Variants in MBNL1 observed in about 807,000 individuals in gnomAD.
MBNL1 encodes the protein muscleblind like splicing regulator 1.
Under a neutral mutation model 42.2 loss-of-function variants are expected in MBNL1, and 8 were observed. The observed-to-expected ratio is 0.19, with a 90% CI of 0.11 to 0.34. The LOEUF (loss-of-function observed/expected upper bound fraction) is 0.34, where lower values mean the gene tolerates loss of function less well. Among genes scored for constraint, MBNL1 ranks in the 10% least tolerant of loss-of-function variants. The probability of loss-of-function intolerance (pLI) is 1.00; values close to 1 mark genes in which losing one functional copy is unlikely to be tolerated. For synonymous variants in MBNL1, 169 were observed against 173.9 expected (o/e 0.97, Z 0.22); for missense variants, 309 against 495.3 (o/e 0.62, Z 3.57).
rs553903028 is a variant in MBNL1, at chr3:152,439,804, C to T, written c.550-5478C>T. ...TTGAGGCTGCAGTGAACTGAGATTG[C>T]ACCACTGCACTCCAGACTGAGTGAC... On this transcript the variant is annotated intron_variant, in intron 4 of 9. Transcript: ENST00000324210. Among the ~76,000 whole-genome samples the T allele has an allele frequency of 1.3e-4, 20 of 152,214 alleles. 1 individual carries two copies. Among genetic ancestry groups the T allele is most frequent in the African/African-American group, 4.8e-4 (20 of 41,516 alleles).
intron 1 of MBNL1, among the ~76,000 whole-genome samples, chr3:152,291,280 A>T (rs1004815658): frequency 6.6e-6 from 1 of 152,216 alleles, no homozygotes; most frequent in East Asian, 1.9e-4. Context: ...GTTCTGTCAG[A>T]ATTTCACAGA....
rs148649709 is a variant in MBNL1 at position 152,279,139 on chromosome 3, C to T, written c.-790+10047C>T. The stretch of plus-strand genomic sequence containing the variant: ...GATGAAAGCTACCATATTTGAGCAG[C>T]GTCTTTTCTATGTGAGGCCTTGCTA... On this transcript the variant is annotated intron_variant, in intron 1 of 9. Coordinates refer to ENST00000324210, the MANE Select transcript of MBNL1 (RefSeq NM_021038.5). Among the ~76,000 whole-genome samples the T allele has an allele frequency of 6.6e-5, 10 of 152,092 alleles. No homozygotes were observed. The East Asian group carries it at 1.9e-3, about 29-fold the overall frequency.
At chr3:152,394,573 G>C (rs2097850988) in intron 2 of MBNL1, among the ~76,000 whole-genome samples, 1 of 152,212 alleles carries the variant, frequency 6.6e-6, no homozygotes, top group Non-Finnish European at 1.5e-5. Context: ...AATTATGTGA[G>C]ATCTACTCTT....
At chr3:152,438,837 G>T (rs2099111883) in intron 4 of MBNL1, among the ~76,000 whole-genome samples, 1 of 152,144 alleles carries the variant, frequency 6.6e-6, no homozygotes, top group South Asian at 2.1e-4. Context: ...AGATAAGTTG[G>T]TAAGAACACT....
chr3:152,289,191 T>A (rs2150902046), intron 1 of MBNL1, among the ~76,000 whole-genome samples: 1 of 152,226 alleles, frequency 6.6e-6, no homozygotes, highest in South Asian at 2.1e-4. Context: ...TATATGCAAT[T>A]TCAGCATTGA....
chr3:152,407,304 G>A (rs990495544), intron 2 of MBNL1, among the ~76,000 whole-genome samples: 1 of 136,880 alleles, frequency 7.3e-6, no homozygotes, highest in African/African-American at 2.8e-5. Flanking sequence ...TGCATTTGCT[G>A]TTACGCTGAT....
At chr3:152,356,327 T>C (rs2095516262) in intron 2 of MBNL1, among the ~76,000 whole-genome samples, 1 of 152,036 alleles carries the variant, frequency 6.6e-6, no homozygotes, top group African/African-American at 2.4e-5. Flanking sequence ...GTGCCACCAA[T>C]AGCACTAAAC....
intron 2 of MBNL1, among the ~76,000 whole-genome samples, chr3:152,249,778 C>G (rs1430237289): frequency 4.1e-4 from 56 of 137,078 alleles, no homozygotes; most frequent in African/African-American, 1.5e-3. Flanking sequence ...TTTAATCCAT[C>G]TTGAATTAAT....
chr3:152,377,615 A>G (rs1480851872), intron 2 of MBNL1, among the ~76,000 whole-genome samples: 2 of 152,220 alleles, frequency 1.3e-5, no homozygotes, highest in Admixed American at 1.3e-4. Context: ...CAAATTGTTG[A>G]TGGAATTGAA....
chr3:152,357,892 T>C (rs2095640869), intron 2 of MBNL1, among the ~76,000 whole-genome samples: 1 of 152,076 alleles, frequency 6.6e-6, no homozygotes, highest in East Asian at 1.9e-4. Context: ...AGGACATGGA[T>C]GGTGGCAGAG....
intron 1 of MBNL1, among the ~76,000 whole-genome samples, chr3:152,288,541 G>A (rs1368888277): frequency 6.6e-6 from 1 of 152,090 alleles, no homozygotes; most frequent in East Asian, 1.9e-4. Context: ...AAAGGAAGGG[G>A]TAGCAGATAT....
At chr3:152,404,154 A>G (rs147154982) in intron 2 of MBNL1, among the ~76,000 whole-genome samples, 356 of 152,362 alleles carry the variant, frequency 2.3e-3, no homozygotes, top group African/African-American at 8.2e-3. Flanking sequence ...AGGAGTGCCA[A>G]TGAAAAATTG....
At chr3:152,371,773 G>C (rs571035966) in intron 2 of MBNL1, among the ~76,000 whole-genome samples, 2 of 152,220 alleles carry the variant, frequency 1.3e-5, no homozygotes, top group East Asian at 3.9e-4. Context: ...TGATGATTAC[G>C]TGTCTTGGGG....
At chr3:152,371,709 T>C (rs2096669646) in intron 2 of MBNL1, among the ~76,000 whole-genome samples, 2 of 152,226 alleles carry the variant, frequency 1.3e-5, no homozygotes, top group South Asian at 4.1e-4. Flanking sequence ...TAACCCGACC[T>C]TTCTCTCTGG....
At chr3:152,380,166 CT>C (rs992260076) in intron 2 of MBNL1, among the ~76,000 whole-genome samples, 12 of 152,008 alleles carry the variant, frequency 7.9e-5, no homozygotes, top group African/African-American at 2.7e-4. Flanking sequence ...GGAAAGTCTC[CT>C]TTTGTTACAG....
At chr3:152,294,432 C>T (rs914483571) in intron 1 of MBNL1, among the ~76,000 whole-genome samples, 15 of 151,692 alleles carry the variant, frequency 9.9e-5, no homozygotes, top group African/African-American at 3.4e-4. Flanking sequence ...TACAGGTGCC[C>T]GCCACTATGC....
chr3:152,342,799 C>T (rs548859376), intron 2 of MBNL1, among the ~76,000 whole-genome samples: 1 of 151,968 alleles, frequency 6.6e-6, no homozygotes, highest in Non-Finnish European at 1.5e-5. Flanking sequence ...CTCTGAGGTT[C>T]GTTAACTACA....
chr3:152,450,148 T>TAC (rs952571686), intron 6 of MBNL1, among the ~76,000 whole-genome samples: 97 of 146,460 alleles, frequency 6.6e-4, no homozygotes, highest in Middle Eastern at 3.6e-3. Flanking sequence ...CAAATATATA[T>TAC]ACACACACAC....
intron 2 of MBNL1, among the ~76,000 whole-genome samples, chr3:152,342,041 T>C (rs1426048730): frequency 6.6e-6 from 1 of 152,162 alleles, no homozygotes; most frequent in Non-Finnish European, 1.5e-5. Context: ...CCTTGAGGTG[T>C]AGTTAGCATT....
Sources: gnomAD v4.1 joint callset for allele counts (sites outside exome capture counted in the v4.1 genomes callset) on GRCh38, gnomAD v4.1.1 for gene constraint, MANE v1.5 for transcripts, NCBI Gene and HGNC (gene_info 2026-07-23, HGNC 2026-07-21) for gene names.